MAMSTR: variants seen among roughly 807,000 people sequenced by gnomAD.
The protein encoded by MAMSTR is MEF2-activating motif and SAP domain-containing transcriptional regulator.
In MAMSTR, 41 loss-of-function variants were observed where a neutral mutation model predicts 42.7. The ratio of observed to expected loss-of-function variants is 0.96; its 90% CI spans 0.75 to 1.25. MAMSTR has a LOEUF of 1.25. Ranked by LOEUF, MAMSTR falls within the 50% of genes most tolerant of loss-of-function variation. The probability of loss-of-function intolerance (pLI) is 0.00; values close to 1 mark genes in which losing one functional copy is unlikely to be tolerated. For synonymous variants in MAMSTR, 265 were observed against 244.1 expected (o/e 1.09, Z -0.80); for missense variants, 567 against 557.6 (o/e 1.02, Z -0.17).
At chr19:48,714,175 C>T in intron 7 of MAMSTR, 130 bp from the exon 8 acceptor site, 1 of 1,124,576 alleles carries the variant, frequency 8.9e-7, no homozygotes, top group South Asian at 1.8e-5. Flanking sequence ...TGGCCTCGCC[C>T]CCTATTCTTT....
downstream of MAMSTR, among the ~76,000 whole-genome samples, chr19:48,707,892 G>GAAAGAAAGA (rs2032675725): frequency 5.9e-5 from 6 of 102,454 alleles, no homozygotes; most frequent in South Asian, 8.9e-4. Flanking sequence ...AGAAAGAAAA[G>GAAAGAAAGA]AAAGAAAGAA....
intron 5 of MAMSTR, 144 bp downstream of exon 5, chr19:48,715,118 G>T: frequency 1.4e-6 from 1 of 737,822 alleles, no homozygotes; most frequent in Non-Finnish European, 2.2e-6. Context: ...GGCGAAGGGA[G>T]GGGCTGGGAT....
Position 48,715,327 on chromosome 19 carries a change from C to T in MAMSTR, c.360G>A (p.Gly120=), listed in dbSNP as rs2032957849. ...ATGGCCCAGGAGGACCCAGGGCGGA[C>T]CCCTCGGCTTGGGGGTCCGCCCTGG... ...QGSRADPQAE[G]SALGPPGPSL... is the part of the protein sequence containing the mutation. Residue 120 remains glycine, a synonymous_variant, in exon 5 of 10, where the codon GGG becomes GGA. Transcript: ENST00000318083. 1.3e-6 allele frequency: 2 copies of T among 1,581,732 alleles called. No homozygotes were observed. The highest frequency in any genetic ancestry group is 1.7e-6 in the Non-Finnish European group (2 of 1,169,062).
chr19:48,714,182 CT>C, intron 7 of MAMSTR, 137 bp from the exon 8 acceptor site: 2 of 1,076,094 alleles, frequency 1.9e-6, no homozygotes, highest in Non-Finnish European at 2.6e-6. Context: ...GCCCCCTATT[CT>C]TTCATTGGCT....
intron 2 of MAMSTR, 46 bp downstream of exon 2, chr19:48,718,928 A>G: frequency 5.5e-6 from 7 of 1,280,186 alleles, no homozygotes; most frequent in Non-Finnish European, 7.6e-6. Context: ...AGAGTACAGC[A>G]TTCTCAGGAT....
intron 3 of MAMSTR, among the ~76,000 whole-genome samples, chr19:48,716,374 C>CAAA (rs35058019): frequency 0.49 from 31,735 of 64,832 alleles, 7,791 homozygotes; most frequent in Non-Finnish European, 0.58. Context: ...GATTCCATCT[C>CAAA]AAAAAAAAAA....
Position 48,713,548 on chromosome 19 carries a change from G to T in MAMSTR, c.967C>A (p.Pro323Thr). The T allele has an allele frequency of 1.2e-6, 2 of 1,609,890 alleles. No homozygotes were observed. Among genetic ancestry groups the T allele is most frequent in the South Asian group, 2.2e-5 (2 of 90,916 alleles). ...ILEDQVEPDDPLPPIPLDFPG... is the reference protein window; with the variant it reads ...ILEDQVEPDDTLPPIPLDFPG... ...AAGTCCAGGGGAATAGGGGGCAGGG[G>T]GTCTGCGGGATAAAGAATGGTACAT... The change falls in exon 10 of 10, where the codon CCC (proline) becomes ACC (threonine). Residue 323 changes from proline (P) to threonine (T), a missense_variant and splice_region_variant. Coordinates refer to ENST00000318083, the MANE Select transcript of MAMSTR (RefSeq NM_001130915.2).
intron 3 of MAMSTR, 21 bp from the exon 4 acceptor site, chr19:48,715,788 C>T: frequency 6.5e-7 from 1 of 1,527,214 alleles, no homozygotes; most frequent in Non-Finnish European, 8.8e-7. Flanking sequence ...GGTGAAGGAC[C>T]CTGAGAGGCC....
At chr19:48,709,538 C>A (rs1354113611), downstream of MAMSTR, among the ~76,000 whole-genome samples, 1 of 152,228 alleles carries the variant, frequency 6.6e-6, no homozygotes, top group Non-Finnish European at 1.5e-5. Flanking sequence ...GTGCACCCAG[C>A]CCCCAGCTTG....
chr19:48,707,826 C>CAAAG (rs1301724225), downstream of MAMSTR, among the ~76,000 whole-genome samples: 5 of 37,160 alleles, frequency 1.3e-4, no homozygotes, highest in African/African-American at 6.0e-4. Flanking sequence ...GAAAGAAAGA[C>CAAAG]AAAGAAAGAA....
intron 9 of MAMSTR, 66 bp downstream of exon 9, chr19:48,713,650 C>G (rs940207822): frequency 1.2e-6 from 2 of 1,609,820 alleles, no homozygotes; most frequent in Non-Finnish European, 1.7e-6. Flanking sequence ...GCTCACGCCT[C>G]CCTTGGACGC....
chr19:48,717,278 G>C (rs2033081050), intron 2 of MAMSTR, among the ~76,000 whole-genome samples: 2 of 151,826 alleles, frequency 1.3e-5, no homozygotes, highest in South Asian at 4.2e-4. Flanking sequence ...CTCTGCCTCA[G>C]CATCCATGTT....
intron 7 of MAMSTR, 107 bp from the exon 8 acceptor site, chr19:48,714,152 T>C (rs2032869433): frequency 2.4e-6 from 3 of 1,267,200 alleles, no homozygotes; most frequent in Non-Finnish European, 3.2e-6. Context: ...GACCCCTCGC[T>C]CATCAACCCC....
At position 48,714,514 on chromosome 19, in the gene MAMSTR, G is replaced by A. The variant is rs2032907135; in HGVS notation, c.575C>T (p.Ser192Leu). The change falls in exon 7 of 10, where the codon TCG (serine) becomes TTG (leucine). Residue 192 changes from serine to leucine, a missense_variant. Transcript: ENST00000318083. The part of the protein sequence containing the change: ...QQLRLRGLPV[S>L]GTKSMLLERM... ...CTCCAGGAGCATAGACTTGGTCCCC[G>A]ACACTGGGAGGCCCCGCAGGCGCAG... The A allele has an allele frequency of 2.1e-6, 3 of 1,449,964 alleles. No individual in the cohort carries two copies. The East Asian group carries it at 7.7e-5, about 37-fold the overall frequency. The allele number at this position is 1,449,964 out of a possible 1,614,324, so 89.8% of individuals were successfully genotyped here.
chr19:48,708,751 G>A (rs997798857), downstream of MAMSTR, among the ~76,000 whole-genome samples: 13 of 152,120 alleles, frequency 8.5e-5, no homozygotes, highest in Admixed American at 3.9e-4. Context: ...GGCAGGTGGG[G>A]GGCCTGGCAG....
At position 48,713,307 on chromosome 19, in the gene MAMSTR, C is replaced by G; in HGVS notation, c.1208G>C (p.Ser403Thr). The G allele has an allele frequency of 6.2e-7, 1 of 1,605,106 alleles. No individual in the cohort carries two copies. Among genetic ancestry groups the G allele is most frequent in the African/African-American group, 1.3e-5 (1 of 74,340 alleles). ...CAGCAGGTCCCACAGCCGGCTGCTG[C>G]TGGAGTCAGATAAGTCAGCGGAGAA... ...SIFSADLSDS[S>T]SSRLWDLLED... Residue 403 changes from serine (S) to threonine (T), a missense_variant, in exon 10 of 10, where the codon AGC (serine) becomes ACC (threonine). By Grantham distance (58) the Ser-to-Thr change is moderately conservative. Transcript: ENST00000318083.
rs1272759163 is a variant in MAMSTR, at chr19:48,715,647, G to T, written c.218C>A (p.Pro73His). ...CACCTTCTTTGGGGACCTCCAAGGAGGACAATATTCTGGCTCGGGGAGCAG... is the reference window on the plus strand; with the variant it reads ...CACCTTCTTTGGGGACCTCCAAGGATGACAATATTCTGGCTCGGGGAGCAG... The part of the protein sequence containing the change: ...GVLLPEPEYC[P>H]PWRSPKKESP... The change falls in exon 4 of 10, where the codon CCT becomes CAT. Residue 73 changes from proline to histidine, a missense_variant. Transcript: ENST00000318083. 6.5e-7 allele frequency: 1 copy of T among 1,543,974 alleles called. No individual in the cohort carries two copies. Among genetic ancestry groups the T allele is most frequent in the Non-Finnish European group, 8.7e-7 (1 of 1,145,070 alleles).
chr19:48,716,374 CAAAAA>C (rs35058019), intron 3 of MAMSTR, among the ~76,000 whole-genome samples: 1 of 64,998 alleles, frequency 1.5e-5, no homozygotes, highest in Non-Finnish European at 2.7e-5. Flanking sequence ...GATTCCATCT[CAAAAA>C]AAAAAAAAAA....
chr19:48,706,159 G>T, the MAMSTR span, among the ~76,000 whole-genome samples: 1 of 150,138 alleles, frequency 6.7e-6, no homozygotes, highest in Non-Finnish European at 1.5e-5. Flanking sequence ...TGGTGGTGCA[G>T]ACCTGTAGTC....
Sources: allele counts gnomAD v4.1 joint callset (sites outside exome capture counted in the v4.1 genomes callset), GRCh38; gene constraint gnomAD v4.1.1; transcripts MANE v1.5; gene names NCBI Gene and HGNC (gene_info 2026-07-23, HGNC 2026-07-21).